Variants in EDA observed in about 807,000 individuals in gnomAD.
EDA encodes the protein ectodysplasin-A.
In EDA, 2 loss-of-function variants were observed where a neutral mutation model predicts 23.6. That is an observed-to-expected ratio of 0.08 (90% CI 0.03 to 0.27). EDA has a LOEUF of 0.27. Ranked by LOEUF, EDA falls within the 10% of genes least tolerant of loss-of-function variation. The probability of loss-of-function intolerance (pLI) is 1.00; values close to 1 mark genes in which losing one functional copy is unlikely to be tolerated. For missense variants in EDA, 229 were observed against 324.2 expected, an observed-to-expected ratio of 0.71 and a Z score of 2.26; for synonymous variants, 131 against 132.0, an observed-to-expected ratio of 0.99 and a Z score of 0.05.
At chrX:69,632,528 A>G (rs763778583) in intron 1 of EDA, among the ~76,000 whole-genome samples, 4 of 112,267 alleles carry the variant, frequency 3.6e-5, no homozygotes, top group Admixed American at 9.4e-5. Context: ...TTACCTAGCA[A>G]TCTTTCTTTC....
intron 1 of EDA, among the ~76,000 whole-genome samples, chrX:69,909,861 TA>T (rs1271435436): frequency 8.9e-6 from 1 of 112,223 alleles, no homozygotes; most frequent in East Asian, 2.8e-4. Flanking sequence ...TATCCCCTAT[TA>T]AATGACTATG....
At chrX:69,816,694 G>T (rs7062243) in intron 1 of EDA, among the ~76,000 whole-genome samples, 6,281 of 110,764 alleles carry the variant, frequency 0.057, 432 homozygotes, top group African/African-American at 0.19. Flanking sequence ...AGAAATATGG[G>T]ATTATGTAAA....
chrX:69,903,723 T>C (rs2018131722), intron 1 of EDA, among the ~76,000 whole-genome samples: 1 of 110,500 alleles, frequency 9.0e-6, no homozygotes, highest in Non-Finnish European at 1.9e-5. Flanking sequence ...TTAAAAATTA[T>C]TAAATTTTTA....
chrX:70,035,447 G>C lies in EDA; in HGVS notation c.1014G>C (p.Thr338=). The C allele has an allele frequency of 8.3e-7, 1 of 1,210,576 alleles. No homozygotes were observed. The highest frequency in any genetic ancestry group is 1.1e-6 in the Non-Finnish European group (1 of 895,234). ...PFLQCTRSIE[T]GKTNYNTCYT... Reference sequence around the variant, plus strand: ...TGCAGTGCACACGCAGCATCGAGACGGGCAAGACCAACTACAACACTTGCT... The same window carrying C: ...TGCAGTGCACACGCAGCATCGAGACCGGCAAGACCAACTACAACACTTGCT... Residue 338 remains threonine (T), a synonymous_variant, in exon 8 of 8, where the codon ACG becomes ACC. Coordinates refer to ENST00000374552, the MANE Select transcript of EDA (RefSeq NM_001399.5).
At chrX:69,812,659 G>A (rs1174373572) in intron 1 of EDA, among the ~76,000 whole-genome samples, 2 of 111,774 alleles carry the variant, frequency 1.8e-5, no homozygotes, top group Non-Finnish European at 3.8e-5. Flanking sequence ...ATAGAAGTCT[G>A]CAGGTGGTCC....
intron 1 of EDA, among the ~76,000 whole-genome samples, chrX:69,735,240 G>T (rs979503607): frequency 1.4e-5 from 1 of 70,868 alleles, no homozygotes; most frequent in Admixed American, 1.4e-4. Flanking sequence ...AGAATATTTT[G>T]TATGTGTATA....
intron 1 of EDA, among the ~76,000 whole-genome samples, chrX:69,847,182 A>G (rs2017025561): frequency 9.0e-6 from 1 of 111,634 alleles, no homozygotes; most frequent in Non-Finnish European, 1.9e-5. Flanking sequence ...GTACCTTTCT[A>G]GCACCAATGA....
At chrX:69,732,660 T>G (rs1239826248) in intron 1 of EDA, among the ~76,000 whole-genome samples, 1 of 112,041 alleles carries the variant, frequency 8.9e-6, no homozygotes, top group East Asian at 2.8e-4. Context: ...TTCTAGATCC[T>G]TGAGGAATCG....
chrX:69,809,147 CTT>C (rs2015882717), intron 1 of EDA, among the ~76,000 whole-genome samples: 1 of 111,591 alleles, frequency 9.0e-6, no homozygotes, highest in African/African-American at 3.3e-5. Flanking sequence ...ATTTGTTACT[CTT>C]TGGGTCAGAG....
intron 1 of EDA, among the ~76,000 whole-genome samples, chrX:69,645,586 A>T (rs1268533641): frequency 6.0e-4 from 29 of 48,181 alleles, no homozygotes; most frequent in African/African-American, 3.2e-3. Flanking sequence ...TAGTTCTTTT[A>T]TATATATGTG....
At chrX:70,024,632 G>A (rs1160782356) in intron 3 of EDA, among the ~76,000 whole-genome samples, 1 of 112,609 alleles carries the variant, frequency 8.9e-6, no homozygotes, top group Non-Finnish European at 1.9e-5. Flanking sequence ...TTGGCTGAAA[G>A]TTATTTAGAA....
chrX:69,772,996 C>G (rs2014680906), intron 1 of EDA, among the ~76,000 whole-genome samples: 1 of 111,524 alleles, frequency 9.0e-6, no homozygotes, highest in Non-Finnish European at 1.9e-5. Context: ...ATTTTCATCA[C>G]CCCCAAAAAA....
At chrX:69,978,645 TA>T (rs1235667207) in intron 2 of EDA, among the ~76,000 whole-genome samples, 1 of 111,557 alleles carries the variant, frequency 9.0e-6, no homozygotes, top group African/African-American at 3.3e-5. Context: ...CAATTTATTC[TA>T]GAACAATTTC....
chrX:69,708,693 G>C (rs1363004453), intron 1 of EDA, among the ~76,000 whole-genome samples: 1 of 111,175 alleles, frequency 9.0e-6, no homozygotes, highest in Non-Finnish European at 1.9e-5. Context: ...CCTGTATCTG[G>C]CTAGGAAGAA....
chrX:69,851,362 T>G (rs1393855000), intron 1 of EDA, among the ~76,000 whole-genome samples: 1 of 112,395 alleles, frequency 8.9e-6, no homozygotes, highest in Non-Finnish European at 1.9e-5. Context: ...GCATTTAAAA[T>G]TTTCTGCATT....
Position 69,949,741 on chromosome X carries a change from G to T in EDA, c.397-7286G>T, listed in dbSNP as rs183396524. On this transcript the variant is annotated intron_variant, in intron 1 of 7. Transcript: ENST00000374552. The stretch of plus-strand genomic sequence containing the variant: ...TAAGTATGTCCCCTCCAAAATGTAG[G>T]TGTTGCCAATGTGGTGGTATTAAGA... Among the ~76,000 whole-genome samples the T allele has an allele frequency of 2.7e-5, 3 of 111,872 alleles. No homozygotes were observed. The East Asian group carries it at 8.4e-4, about 31-fold the overall frequency.
At chrX:69,761,396 T>C (rs758036856) in intron 1 of EDA, among the ~76,000 whole-genome samples, 3 of 112,022 alleles carry the variant, frequency 2.7e-5, no homozygotes, top group East Asian at 5.6e-4. Context: ...TTATAGTTTA[T>C]GAAGTACTTT....
intron 1 of EDA, among the ~76,000 whole-genome samples, chrX:69,826,324 G>A (rs1364228465): frequency 9.1e-6 from 1 of 110,089 alleles, no homozygotes; most frequent in Non-Finnish European, 1.9e-5. Context: ...TTATTAATGT[G>A]TGGGAGTCTA....
intron 3 of EDA, among the ~76,000 whole-genome samples, chrX:70,025,568 G>T (rs1191009680): frequency 8.9e-6 from 1 of 111,802 alleles, no homozygotes; most frequent in East Asian, 2.8e-4. Flanking sequence ...GAGAGGAAGG[G>T]ATTTGCCCAA....
Sources: allele counts gnomAD v4.1 joint callset (sites outside exome capture counted in the v4.1 genomes callset), GRCh38; gene constraint gnomAD v4.1.1; transcripts MANE v1.5; gene names NCBI Gene and HGNC (gene_info 2026-07-23, HGNC 2026-07-21).